Variants in SLC22A15 observed in about 807,000 individuals in gnomAD.
SLC22A15 encodes flipt 1.
SLC22A15 carries 45 observed loss-of-function variants against 62.7 expected under a neutral mutation model. The ratio of observed to expected loss-of-function variants is 0.72; its 90% CI spans 0.56 to 0.92. The LOEUF (loss-of-function observed/expected upper bound fraction) is 0.92. Among genes scored for constraint, SLC22A15 ranks in the 40% least tolerant of loss-of-function variants. The pLI, the probability that SLC22A15 is intolerant of heterozygous loss-of-function variation, is 0.00. For missense variants in SLC22A15, 622 were observed against 665.6 expected, an observed-to-expected ratio of 0.93 and a Z score of 0.72; for synonymous variants, 264 against 267.0, an observed-to-expected ratio of 0.99 and a Z score of 0.11.
chr1:116,010,921 C>T (rs1043174573), intron 2 of SLC22A15, among the ~76,000 whole-genome samples: 4 of 152,332 alleles, frequency 2.6e-5, no homozygotes, highest in African/African-American at 7.2e-5. Context: ...TCAATAGGCA[C>T]GGGCCCAGTC....
chr1:116,011,223 T>C (rs1242937088), intron 2 of SLC22A15, among the ~76,000 whole-genome samples: 1 of 152,224 alleles, frequency 6.6e-6, no homozygotes, highest in East Asian at 1.9e-4. Context: ...ACATTTCTTA[T>C]CCCTGCATGA....
intron 2 of SLC22A15, among the ~76,000 whole-genome samples, chr1:116,009,348 T>TCACGCA (rs1422984266): frequency 0.051 from 7,711 of 152,266 alleles, 679 homozygotes; most frequent in African/African-American, 0.18. Context: ...GCACTGTACT[T>TCACGCA]CTGCTTTGTG....
chr1:116,015,848 A>C (rs1258900672), intron 2 of SLC22A15, among the ~76,000 whole-genome samples: 1 of 152,174 alleles, frequency 6.6e-6, no homozygotes, highest in Non-Finnish European at 1.5e-5. Flanking sequence ...AAAAGAAGGG[A>C]TCTCCCTGTG....
intron 5 of SLC22A15, chr1:116,027,431 T>A: frequency 4.1e-6 from 2 of 489,298 alleles, no homozygotes; most frequent in Non-Finnish European, 8.4e-6. Context: ...TACAGATTAG[T>A]GTCATTTCAG....
intron 5 of SLC22A15, among the ~76,000 whole-genome samples, chr1:116,028,957 G>A (rs927762485): frequency 2.1e-4 from 32 of 151,926 alleles, no homozygotes; most frequent in Admixed American, 2.6e-4. Context: ...TGAATTCCAC[G>A]GCATTCACCC....
chr1:116,056,630 G>A (rs903815540), intron 8 of SLC22A15, among the ~76,000 whole-genome samples: 2 of 151,596 alleles, frequency 1.3e-5, no homozygotes, highest in Non-Finnish European at 3.0e-5. Context: ...AAAGCTGGAG[G>A]CATCACGCTA....
At chr1:116,047,939 G>A (rs143474760) in intron 8 of SLC22A15, among the ~76,000 whole-genome samples, 3,603 of 152,020 alleles carry the variant, frequency 0.024, 143 homozygotes, top group African/African-American at 0.083. Context: ...CAAAATGCTC[G>A]GGAAAGTCTC....
Position 116,048,396 on chromosome 1 carries a change from C to T in SLC22A15, c.1171+11008C>T, listed in dbSNP as rs897318907. On this transcript the variant is annotated intron_variant, in intron 8 of 11. Coordinates refer to ENST00000369503, the MANE Select transcript of SLC22A15 (RefSeq NM_018420.3). ...TTAACGGCAGATTTCTCAGCAGAAACGCTACAAGCTAGAAGGGATTGGGGC... is the reference window on the plus strand; with the variant it reads ...TTAACGGCAGATTTCTCAGCAGAAATGCTACAAGCTAGAAGGGATTGGGGC... Among the ~76,000 whole-genome samples the T allele has an allele frequency of 5.9e-5, 9 of 152,308 alleles. No homozygotes were observed. The East Asian group carries it at 7.7e-4, about 13-fold the overall frequency.
At chr1:116,066,938 AG>A (rs1040796841) in intron 11 of SLC22A15, 80 bp from the exon 12 acceptor site, 1 of 1,130,188 alleles carries the variant, frequency 8.8e-7, no homozygotes, top group African/African-American at 1.5e-5. Context: ...TACATTTGTC[AG>A]TTGAATAGCT....
intron 8 of SLC22A15, among the ~76,000 whole-genome samples, chr1:116,061,128 T>C (rs1217108596): frequency 2.6e-5 from 4 of 152,116 alleles, no homozygotes; most frequent in South Asian, 2.1e-4. Context: ...CCAGTGTACA[T>C]AGTGCTATGG....
intron 2 of SLC22A15, among the ~76,000 whole-genome samples, chr1:116,013,056 G>A (rs757831066): frequency 2.6e-5 from 4 of 152,216 alleles, no homozygotes; most frequent in Non-Finnish European, 5.9e-5. Flanking sequence ...GTAGGATAAT[G>A]TGTTTGGAGC....
chr1:115,984,789 T>C (rs1333705553), intron 1 of SLC22A15, among the ~76,000 whole-genome samples: 1 of 152,132 alleles, frequency 6.6e-6, no homozygotes, highest in African/African-American at 2.4e-5. Flanking sequence ...TGATCCTGAC[T>C]CTGTGTAGGT....
At chr1:116,037,582 T>G (rs1021042142) in intron 8 of SLC22A15, 194 bp downstream of exon 8, 1 of 517,070 alleles carries the variant, frequency 1.9e-6, no homozygotes, top group African/African-American at 1.9e-5. Flanking sequence ...TGTGTAGAGG[T>G]GCACTATTAA....
intron 2 of SLC22A15, 63 bp from the exon 3 acceptor site, chr1:116,019,519 C>A: frequency 1.3e-6 from 2 of 1,493,582 alleles, no homozygotes; most frequent in South Asian, 2.7e-5. Flanking sequence ...TTTTGTTGCA[C>A]ATTTGGTTTT....
chr1:116,014,665 A>G (rs1570728296), intron 2 of SLC22A15, among the ~76,000 whole-genome samples: 1 of 152,356 alleles, frequency 6.6e-6, no homozygotes, highest in East Asian at 1.9e-4. Context: ...ATTATTAACA[A>G]AAGATAATAC....
intron 1 of SLC22A15, among the ~76,000 whole-genome samples, chr1:115,981,643 G>C (rs998210998): frequency 2.0e-5 from 3 of 152,212 alleles, no homozygotes; most frequent in East Asian, 1.9e-4. Context: ...CCTCCAGGGA[G>C]GCTGTAGAGA....
chr1:116,024,794 A>T (rs1283138558), intron 4 of SLC22A15, among the ~76,000 whole-genome samples: 1 of 152,128 alleles, frequency 6.6e-6, no homozygotes, highest in Non-Finnish European at 1.5e-5. Flanking sequence ...TAGTATTTAA[A>T]GTCTTGGGTA....
intron 2 of SLC22A15, among the ~76,000 whole-genome samples, chr1:115,994,388 A>G (rs1287131993): frequency 6.6e-6 from 1 of 152,368 alleles, no homozygotes; most frequent in South Asian, 2.1e-4. Flanking sequence ...GTTAGCTAAT[A>G]ATGGCAGAGC....
intron 2 of SLC22A15, among the ~76,000 whole-genome samples, chr1:116,010,107 A>G (rs1656177695): frequency 6.6e-6 from 1 of 152,212 alleles, no homozygotes. Context: ...AAATGAGCTA[A>G]TAGCTATTGG....
Sources: allele counts gnomAD v4.1 joint callset (sites outside exome capture counted in the v4.1 genomes callset), GRCh38; gene constraint gnomAD v4.1.1; transcripts MANE v1.5; gene names NCBI Gene and HGNC (gene_info 2026-07-23, HGNC 2026-07-21).